Variants in ZNF800 observed in about 807,000 individuals in gnomAD.
ZNF800 encodes the protein zinc finger protein 800.
In ZNF800, 13 loss-of-function variants were observed where a neutral mutation model predicts 59.5. The ratio of observed to expected loss-of-function variants is 0.22; its 90% CI spans 0.14 to 0.35. The LOEUF (loss-of-function observed/expected upper bound fraction) is 0.35, where lower values mean the gene tolerates loss of function less well. Among genes scored for constraint, ZNF800 ranks in the 10% least tolerant of loss-of-function variants. The pLI is 1.00. For missense variants in ZNF800, 621 were observed against 783.7 expected (o/e 0.79, Z 2.48); for synonymous variants, 266 against 265.7 (o/e 1.00, Z -0.01).
At chr7:127,392,031 G>C (rs1801341652) in intron 1 of ZNF800, 29 bp downstream of exon 1, 1 of 387,822 alleles carries the variant, frequency 2.6e-6, no homozygotes, top group Admixed American at 4.5e-5. Context: ...CGGAGACCCC[G>C]TCCCCACAAC....
In ZNF800 at chr7:127,371,751, C is replaced by T; in HGVS notation, c.*63G>A. On this transcript the variant is annotated 3_prime_UTR_variant, in exon 6 of 6. Coordinates refer to ENST00000265827, the MANE Select transcript of ZNF800 (RefSeq NM_176814.5). ...ATTTGAAGATGTTTAGTGGTTCTAACACCAATTTAAAGTCTTTCCACAAAA... is the reference window on the plus strand; with the variant it reads ...ATTTGAAGATGTTTAGTGGTTCTAATACCAATTTAAAGTCTTTCCACAAAA... The T allele has an allele frequency of 1.4e-6, 1 of 738,702 alleles. No individual in the cohort carries two copies. 45.8% of individuals were successfully genotyped at this position (738,702 alleles called of 1,614,324 possible).
chr7:127,374,523 G>T lies in ZNF800; in HGVS notation c.813C>A (p.Asn271Lys). 1 of 1,614,100 alleles carries T rather than the reference G, an allele frequency of 6.2e-7. No homozygotes were observed. Among genetic ancestry groups the T allele is most frequent in the Non-Finnish European group, 8.5e-7 (1 of 1,179,980 alleles). ...KKYIETRKNP[N>K]QSSKGRSKNV... ...TCTTACTGCGTCCTTTAGAGGATTG[G>T]TTTGGATTCTTTCGTGTTTCAATGT... The change falls in exon 5 of 6, where the codon AAC becomes AAA. Residue 271 changes from asparagine to lysine, a missense_variant. Transcript: ENST00000265827.
chr7:127,343,190 C>T (rs897181022), downstream of ZNF800, among the ~76,000 whole-genome samples: 2 of 150,848 alleles, frequency 1.3e-5, no homozygotes, highest in Non-Finnish European at 3.0e-5. Context: ...CATAAAGCAA[C>T]AAAATAAACA....
At chr7:127,381,239 T>C (rs566148238) in intron 3 of ZNF800, among the ~76,000 whole-genome samples, 5 of 152,290 alleles carry the variant, frequency 3.3e-5, no homozygotes, top group Non-Finnish European at 5.9e-5. Flanking sequence ...TTGGCTCAAA[T>C]ATAAACTCAA....
In ZNF800 at chr7:127,391,398, G is replaced by C. The variant is rs185670008; in HGVS notation, c.61+99C>G. 3.1e-5 allele frequency: 37 copies of C among 1,177,370 alleles called. No homozygotes were observed. The African/African-American group carries it at 5.3e-4, about 17-fold the overall frequency. The allele number at this position is 1,177,370 out of a possible 1,614,324, so 72.9% of individuals were successfully genotyped here. A position where few individuals can be genotyped will look rare whatever the true frequency, so the allele number is the denominator to read the frequency against. On this transcript the variant is annotated intron_variant, in intron 2 of 5. Coordinates refer to ENST00000265827, the MANE Select transcript of ZNF800 (RefSeq NM_176814.5). ...CTAGGGAATATCATAGCCTGCTTAA[G>C]AATGACTACTGGGGCAGGAGGAAAA...
chr7:127,392,201 G>A lies in ZNF800; in HGVS notation c.-200C>T. 1 of 394,848 alleles carries A rather than the reference G, an allele frequency of 2.5e-6. No individual in the cohort carries two copies. The highest frequency in any genetic ancestry group is 4.5e-6 in the Non-Finnish European group (1 of 223,504). The allele number at this position is 394,848 out of a possible 1,614,324, so 24.5% of individuals were successfully genotyped here. A position where few individuals can be genotyped will look rare whatever the true frequency, so the allele number is the denominator to read the frequency against. ...ACCACGCGGGGGAACCCGGACTCGG[G>A]CCCGACGCGCTCCCAAAGAGTCCCC... On this transcript the variant is annotated 5_prime_UTR_variant, in exon 1 of 6. Coordinates refer to ENST00000265827, the MANE Select transcript of ZNF800 (RefSeq NM_176814.5).
chr7:127,375,179 T>C, intron 4 of ZNF800, 145 bp from the exon 5 acceptor site: 2 of 668,682 alleles, frequency 3.0e-6, no homozygotes, highest in South Asian at 4.5e-5. Context: ...CTTTTCAGTA[T>C]TCTACAAAGA....
chr7:127,344,161 T>C (rs1339254773), downstream of ZNF800, among the ~76,000 whole-genome samples: 1 of 151,952 alleles, frequency 6.6e-6, no homozygotes, highest in Non-Finnish European at 1.5e-5. Context: ...ATTGGCTACT[T>C]AGAAGAGAAT....
At chr7:127,389,976 T>C (rs769268513) in intron 2 of ZNF800, among the ~76,000 whole-genome samples, 10 of 152,200 alleles carry the variant, frequency 6.6e-5, no homozygotes, top group Non-Finnish European at 1.2e-4. Context: ...TCTTTATGTT[T>C]ATCTCTTCCC....
intron 3 of ZNF800, among the ~76,000 whole-genome samples, chr7:127,382,955 T>C (rs1252946230): frequency 6.6e-6 from 1 of 152,208 alleles, no homozygotes; most frequent in Non-Finnish European, 1.5e-5. Flanking sequence ...CACAGACACA[T>C]ATTACTTATT....
chr7:127,365,286 G>T (rs892718499), downstream of ZNF800, among the ~76,000 whole-genome samples: 1 of 152,028 alleles, frequency 6.6e-6, no homozygotes, highest in Non-Finnish European at 1.5e-5. Flanking sequence ...AACCAGAAAT[G>T]AAGAGGAATC....
chr7:127,373,615 T>A lies in ZNF800; in HGVS notation c.1721A>T (p.Lys574Ile), dbSNP rs1490380340. The A allele has an allele frequency of 8.1e-6, 13 of 1,614,040 alleles. No individual in the cohort carries two copies. Among genetic ancestry groups the A allele is most frequent in the Non-Finnish European group, 1.1e-5 (13 of 1,180,024 alleles). ...TGCTTCATCCCTCGAAGGGCCTCTT[T>A]TTGCCACTTTATTTAGAACAAAATC... is the stretch of plus-strand genomic sequence containing the variant. Reference protein sequence around the residue: ...PIDFVLNKVAKRGPSRDEAKH... With the variant: ...PIDFVLNKVAIRGPSRDEAKH... Residue 574 changes from lysine (K) to isoleucine (I), a missense_variant, in exon 5 of 6, where the codon AAA (lysine) becomes ATA (isoleucine). By Grantham distance (102) the Lys-to-Ile change is moderately radical. Around this residue, in one of 7 missense-constraint regions of ZNF800, gnomAD observed 94 missense variants for 108.5 expected, o/e 0.87. Coordinates refer to ENST00000265827, the MANE Select transcript of ZNF800 (RefSeq NM_176814.5).
At chr7:127,380,997 A>T (rs1800961363) in intron 3 of ZNF800, among the ~76,000 whole-genome samples, 1 of 152,234 alleles carries the variant, frequency 6.6e-6, no homozygotes, top group Non-Finnish European at 1.5e-5. Flanking sequence ...TGGCAAGTGC[A>T]TTGCATGTAC....
chr7:127,346,654 A>G (rs1051601322), downstream of ZNF800: 2 of 152,312 alleles, frequency 1.3e-5, no homozygotes, highest in East Asian at 1.9e-4. Flanking sequence ...GAAGATGGTG[A>G]TCAGAGCATG....
chr7:127,381,475 T>C (rs1298518754), intron 3 of ZNF800, among the ~76,000 whole-genome samples: 8 of 152,104 alleles, frequency 5.3e-5, no homozygotes, highest in South Asian at 2.1e-4. Flanking sequence ...CACTGCCACA[T>C]ACCACAATAA....
At position 127,373,420 on chromosome 7, in the gene ZNF800, G is replaced by A; in HGVS notation, c.1916C>T (p.Thr639Ile). The change falls in exon 5 of 6, where the codon ACT becomes ATT. Residue 639 changes from threonine to isoleucine, a missense_variant. By Grantham distance (89) the Thr-to-Ile change is moderately conservative. Coordinates refer to ENST00000265827, the MANE Select transcript of ZNF800 (RefSeq NM_176814.5). ...KKTYLEHHKK[T>I]HKANASNSPE... is the part of the protein sequence containing the mutation. ...TGAATTGGAAGCATTTGCCTTATGA[G>A]TTTTCTTATGATGTTCAAGGTAAGT... 1 of 1,613,986 alleles carries A rather than the reference G, an allele frequency of 6.2e-7. No homozygotes were observed. The highest frequency in any genetic ancestry group is 8.5e-7 in the Non-Finnish European group (1 of 1,179,962).
chr7:127,362,872 C>T (rs932859523), intron 1 of ZNF800: 5 of 151,862 alleles, frequency 3.3e-5, no homozygotes, highest in Non-Finnish European at 5.9e-5. Flanking sequence ...AACAACAGCA[C>T]GGAAGACAGA....
intron 2 of ZNF800, 121 bp from the exon 3 acceptor site, chr7:127,386,276 G>GCA (rs1049028130): frequency 9.3e-5 from 50 of 539,830 alleles, no homozygotes; most frequent in South Asian, 2.3e-4. Flanking sequence ...ACTTGTGCCC[G>GCA]CACACACACA....
chr7:127,347,897 T>C (rs1800097882), exon 2 of ZNF800: 1 of 149,628 alleles, frequency 6.7e-6, no homozygotes, highest in Non-Finnish European at 1.5e-5. Context: ...GGCAGCGTGC[T>C]GGAGCTCTCG....
Sources: gnomAD v4.1 joint callset for allele counts (sites outside exome capture counted in the v4.1 genomes callset) on GRCh38, gnomAD v4.1.1 for gene constraint, gnomAD v4.1.1 regional missense constraint, MANE v1.5 for transcripts, NCBI Gene and HGNC (gene_info 2026-07-23, HGNC 2026-07-21) for gene names.